Variants in OXSR1 observed in about 807,000 individuals in gnomAD.
The protein encoded by OXSR1 is oxidative stress responsive kinase 1.
A neutral mutation model predicts 79.8 loss-of-function variants in OXSR1; 24 were observed. The ratio of observed to expected loss-of-function variants is 0.30; its 90% CI spans 0.22 to 0.42. OXSR1 has a LOEUF of 0.42. OXSR1 is among the 10% of genes least tolerant of loss of function. The pLI is 1.00. For missense variants in OXSR1, 430 were observed against 618.4 expected, an observed-to-expected ratio of 0.70 and a Z score of 3.23; for synonymous variants, 226 against 209.2, an observed-to-expected ratio of 1.08 and a Z score of -0.69.
chr3:38,211,615 G>T (rs375984891), intron 4 of OXSR1, among the ~76,000 whole-genome samples: 186 of 152,178 alleles, frequency 1.2e-3, no homozygotes, highest in African/African-American at 4.4e-3. Context: ...GTCTTTCAAG[G>T]GTCTTGGTTT....
chr3:38,183,278 GAA>G (rs1274422754), intron 2 of OXSR1, among the ~76,000 whole-genome samples, 163 bp downstream of exon 2: 1 of 152,044 alleles, frequency 6.6e-6, no homozygotes, highest in Non-Finnish European at 1.5e-5. Context: ...TGGATAAGTA[GAA>G]AAAAATTAGT....
At chr3:38,241,003 C>G (rs1703021513) in intron 11 of OXSR1, among the ~76,000 whole-genome samples, 1 of 152,010 alleles carries the variant, frequency 6.6e-6, no homozygotes, top group Admixed American at 6.6e-5. Flanking sequence ...CAGGAATCAT[C>G]AATGAAGCTA....
At chr3:38,236,787 A>C (rs770791155) in intron 10 of OXSR1, 52 bp from the exon 11 acceptor site, 7 of 1,509,784 alleles carry the variant, frequency 4.6e-6, no homozygotes, top group Non-Finnish European at 6.3e-6. Context: ...GGAGTTTTCT[A>C]CTTAGTAAGC....
At chr3:38,186,451 T>C (rs1020691269) in intron 2 of OXSR1, among the ~76,000 whole-genome samples, 61 of 152,324 alleles carry the variant, frequency 4.0e-4, no homozygotes, top group African/African-American at 1.4e-3. Flanking sequence ...TCCATACCCA[T>C]GACCACTCAT....
chr3:38,187,774 C>A (rs1193023302), intron 2 of OXSR1, among the ~76,000 whole-genome samples: 1 of 151,958 alleles, frequency 6.6e-6, no homozygotes, highest in African/African-American at 2.4e-5. Flanking sequence ...TAAATAGAGG[C>A]GGAGTCTCAC....
chr3:38,209,601 A>G (rs1423048939), intron 4 of OXSR1, among the ~76,000 whole-genome samples: 1 of 143,274 alleles, frequency 7.0e-6, no homozygotes, highest in Non-Finnish European at 1.5e-5. Flanking sequence ...ATATGATTCC[A>G]TTTCGTTTCC....
intron 11 of OXSR1, among the ~76,000 whole-genome samples, chr3:38,238,377 T>G (rs944578722): frequency 6.6e-6 from 1 of 152,104 alleles, no homozygotes; most frequent in Non-Finnish European, 1.5e-5. Flanking sequence ...AAATCTTATT[T>G]TTATTTTCAT....
At chr3:38,211,281 G>A (rs1234337677) in intron 4 of OXSR1, among the ~76,000 whole-genome samples, 1 of 152,088 alleles carries the variant, frequency 6.6e-6, no homozygotes, top group Non-Finnish European at 1.5e-5. Context: ...GGTTGCATTG[G>A]AACCTGTCCA....
At chr3:38,189,579 A>G (rs1701946029) in intron 2 of OXSR1, among the ~76,000 whole-genome samples, 1 of 152,210 alleles carries the variant, frequency 6.6e-6, no homozygotes, top group Non-Finnish European at 1.5e-5. Context: ...GGGATTATGG[A>G]CGACTTTCAC....
At chr3:38,202,981 A>T (rs541912066) in intron 4 of OXSR1, among the ~76,000 whole-genome samples, 8 of 152,212 alleles carry the variant, frequency 5.3e-5, no homozygotes, top group African/African-American at 1.9e-4. Context: ...AGAAGGCTGG[A>T]TATTATCCAG....
intron 15 of OXSR1, 90 bp from the exon 16 acceptor site, chr3:38,251,313 G>A: frequency 1.9e-6 from 2 of 1,046,574 alleles, no homozygotes; most frequent in Non-Finnish European, 3.0e-6. Context: ...CTTGGGCCTA[G>A]CATGGCACAC....
intron 3 of OXSR1, among the ~76,000 whole-genome samples, chr3:38,191,879 C>T (rs561138498): frequency 1.3e-5 from 2 of 152,216 alleles, no homozygotes; most frequent in South Asian, 2.1e-4. Context: ...ATTTTTCTTA[C>T]GGCATCATTT....
intron 12 of OXSR1, among the ~76,000 whole-genome samples, chr3:38,243,003 G>GT (rs1553638940): frequency 6.8e-6 from 1 of 146,166 alleles, no homozygotes; most frequent in African/African-American, 2.5e-5. Context: ...GAAGTGAAAA[G>GT]TTATTTATTT....
At chr3:38,214,665 C>T (rs1488930241) in intron 4 of OXSR1, among the ~76,000 whole-genome samples, 5 of 152,216 alleles carry the variant, frequency 3.3e-5, no homozygotes, top group Non-Finnish European at 7.3e-5. Context: ...GGCTGGCCTG[C>T]ACTCTACTAA....
intron 3 of OXSR1, among the ~76,000 whole-genome samples, chr3:38,196,308 A>G (rs1702071442): frequency 1.3e-5 from 2 of 152,072 alleles, no homozygotes; most frequent in Admixed American, 1.3e-4. Flanking sequence ...TGCATTCTTT[A>G]TAATTTTGAT....
At chr3:38,166,039 C>G in intron 1 of OXSR1, 93 bp downstream of exon 1, 1 of 1,161,634 alleles carries the variant, frequency 8.6e-7, no homozygotes, top group South Asian at 1.3e-5. Context: ...GGAGCGCAGC[C>G]CTCATAGGAA....
At chr3:38,191,287 A>C (rs944371773) in intron 3 of OXSR1, among the ~76,000 whole-genome samples, 3 of 151,134 alleles carry the variant, frequency 2.0e-5, no homozygotes, top group Non-Finnish European at 4.4e-5. Flanking sequence ...TTCATGTCTT[A>C]ACTCCTGTCT....
At chr3:38,183,230 CATTA>C (rs1405740832) in intron 2 of OXSR1, 115 bp downstream of exon 2, 5 of 465,280 alleles carry the variant, frequency 1.1e-5, no homozygotes, top group African/African-American at 8.1e-5. Context: ...ATGATTTCTT[CATTA>C]ATAAATAATA....
intron 8 of OXSR1, among the ~76,000 whole-genome samples, chr3:38,225,655 T>C (rs1702675177): frequency 6.6e-6 from 1 of 152,098 alleles, no homozygotes; most frequent in South Asian, 2.1e-4. Context: ...GGAACAAAAT[T>C]ATCCTGTTAC....
Sources: allele counts gnomAD v4.1 joint callset (sites outside exome capture counted in the v4.1 genomes callset), GRCh38; gene constraint gnomAD v4.1.1; transcripts MANE v1.5; gene names NCBI Gene and HGNC (gene_info 2026-07-23, HGNC 2026-07-21).